SPTBN5: variants seen among roughly 807,000 people sequenced by gnomAD.
SPTBN5 encodes spectrin beta chain, non-erythrocytic 5.
Under a neutral mutation model 477.6 loss-of-function variants are expected in SPTBN5, and 513 were observed. The observed-to-expected ratio is 1.07, with a 90% CI of 1.00 to 1.16. The LOEUF (loss-of-function observed/expected upper bound fraction) is 1.16, where lower values mean the gene tolerates loss of function less well. SPTBN5 is among the 50% of genes most tolerant of loss of function. SPTBN5 has a pLI of 0.00. For missense variants in SPTBN5, 5,062 were observed against 4,731.8 expected (o/e 1.07, Z -2.05); for synonymous variants, 2,169 against 2,011.7 (o/e 1.08, Z -2.09).
Position 41,854,829 on chromosome 15 carries a change from C to T in SPTBN5, c.9571G>A (p.Glu3191Lys), listed in dbSNP as rs2065884579. 6.3e-7 allele frequency: 1 copy of T among 1,591,924 alleles called. No homozygotes were observed. The highest frequency in any genetic ancestry group is 1.4e-5 in the African/African-American group (1 of 73,952). ...TGGTCCAACCTCTCCCAAGCAGCCT[C>T]AATGCGGCTCCTCTGGGCTTGGATG... is the stretch of plus-strand genomic sequence containing the variant. ...PHIQAQRSRI[E>K]AAWERLDQAI... The change falls in exon 56 of 68, where the codon GAG becomes AAG. Residue 3191 changes from glutamate (E) to lysine (K), a missense_variant. Physicochemically the swap from Glu to Lys is moderately conservative, Grantham distance 56 (BLOSUM62 1). Transcript: ENST00000320955.
Position 41,874,351 on chromosome 15 carries a change from T to G in SPTBN5, c.4630A>C (p.Ser1544Arg), listed in dbSNP as rs2066646637. Residue 1544 changes from serine (S) to arginine (R), a missense_variant, in exon 24 of 68, where the codon AGC becomes CGC. Coordinates refer to ENST00000320955, the MANE Select transcript of SPTBN5 (RefSeq NM_016642.4). ...AAGCACTCGGTATAGCTGGTGGGGCTGCCATGGGGCATGTGCTCGGCTACC... is the reference window on the plus strand; with the variant it reads ...AAGCACTCGGTATAGCTGGTGGGGCGGCCATGGGGCATGTGCTCGGCTACC... ...SWVAEHMPHG[S>R]PTSYTECLNG... The G allele has an allele frequency of 6.2e-7, 1 of 1,613,770 alleles. No individual in the cohort carries two copies. Among genetic ancestry groups the G allele is most frequent in the Admixed American group, 1.7e-5 (1 of 60,006 alleles).
intron 46 of SPTBN5, 107 bp downstream of exon 46, chr15:41,861,312 G>T: frequency 2.0e-6 from 2 of 1,002,996 alleles, no homozygotes; most frequent in African/African-American, 3.2e-5. Flanking sequence ...AGATGGCCCC[G>T]AAGGGGAGGA....
At chr15:41,870,670 G>T (rs2066506325) in intron 29 of SPTBN5, 110 bp from the exon 30 acceptor site, 6 of 861,456 alleles carry the variant, frequency 7.0e-6, no homozygotes, top group African/African-American at 1.7e-5. Flanking sequence ...ATCGGGACTT[G>T]CCCAAAGCTC....
chr15:41,867,014 C>T lies in SPTBN5; in HGVS notation c.6425G>A (p.Gly2142Glu), dbSNP rs766875036. The change falls in exon 36 of 68, where the codon GGA (glycine) becomes GAA (glutamate). Residue 2142 changes from glycine to glutamate, a missense_variant. Physicochemically the swap from Gly to Glu is moderately conservative, Grantham distance 98. Coordinates refer to ENST00000320955, the MANE Select transcript of SPTBN5 (RefSeq NM_016642.4). Reference protein sequence around the residue: ...MRVKELAESRGHALHASLLMA... With the variant: ...MRVKELAESREHALHASLLMA... ...CAGCAGGGAGGCATGCAGGGCGTGT[C>T]CCCGGCTCTCCGCCAGCTCCTTCAC... is the stretch of plus-strand genomic sequence containing the variant. 1.7e-5 allele frequency: 26 copies of T among 1,559,640 alleles called. No individual in the cohort carries two copies. The highest frequency in any genetic ancestry group is 1.7e-4 in the Middle Eastern group (1 of 5,918).
At chr15:41,888,524 G>C (rs955131394) in intron 4 of SPTBN5, among the ~76,000 whole-genome samples, 1 of 152,214 alleles carries the variant, frequency 6.6e-6, no homozygotes, top group Non-Finnish European at 1.5e-5. Context: ...GCAGTGGCAC[G>C]ATCTCGGCTC....
intron 63 of SPTBN5, 70 bp downstream of exon 63, chr15:41,851,709 G>A: frequency 4.2e-6 from 5 of 1,189,530 alleles, no homozygotes; most frequent in South Asian, 1.3e-5. Flanking sequence ...AGGCCCAGAT[G>A]GCTCTTCGAG....
Position 41,853,387 on chromosome 15 carries a change from C to T in SPTBN5, c.10041G>A (p.Ala3347=), listed in dbSNP as rs187263353. The T allele has an allele frequency of 5.9e-5, 95 of 1,608,814 alleles. No individual in the cohort carries two copies. The highest frequency in any genetic ancestry group is 8.4e-5 in the Admixed American group (5 of 59,868). Residue 3347 remains alanine, a synonymous_variant, in exon 59 of 68, where the codon GCG becomes GCA. Transcript: ENST00000320955. ...GCTGCCCAAGGAGCTGCTCAGCCCC[C>T]GCCACGTCCTCAGCCAGCTCCTCGG... ...ASSEELAEDV[A]GAEQLLGQHE...
In SPTBN5 at chr15:41,876,126, C is replaced by A; in HGVS notation, c.4110G>T (p.Glu1370Asp). ...CCGTGTCCCCCACCTGCTGCAGGGC[C>A]TCCACGTGTCTGCGGGTGGCGAGTA... ...SELLATRRHVEALQQVGRELL... is the reference protein window; with the variant it reads ...SELLATRRHVDALQQVGRELL... The change falls in exon 21 of 68, where the codon GAG (glutamate) becomes GAT (aspartate). Residue 1370 changes from glutamate to aspartate, a missense_variant. Physicochemically the swap from Glu to Asp is conservative, Grantham distance 45. Transcript: ENST00000320955. 1.9e-6 allele frequency: 3 copies of A among 1,601,548 alleles called. No homozygotes were observed. Among genetic ancestry groups the A allele is most frequent in the Non-Finnish European group, 2.5e-6 (3 of 1,178,734 alleles).
chr15:41,858,502 C>A, intron 49 of SPTBN5, 100 bp downstream of exon 49: 1 of 1,400,146 alleles, frequency 7.1e-7, no homozygotes, highest in Admixed American at 2.2e-5. Flanking sequence ...TACTGGATAA[C>A]GCTGGCCACC....
At chr15:41,892,790 T>A in intron 3 of SPTBN5, 104 bp downstream of exon 3, 2 of 1,346,890 alleles carry the variant, frequency 1.5e-6, no homozygotes, top group East Asian at 2.4e-5. Flanking sequence ...CCCCAGCTCC[T>A]CTGTTCTGCC....
At chr15:41,862,508 G>A (rs186860826) in intron 43 of SPTBN5, 31 bp downstream of exon 43, 37 of 1,574,592 alleles carry the variant, frequency 2.3e-5, no homozygotes, top group Admixed American at 1.3e-4. Flanking sequence ...TGGAGGATGG[G>A]TCGGCGAGGG....
intron 35 of SPTBN5, 54 bp downstream of exon 35, chr15:41,867,484 A>G: frequency 6.5e-7 from 1 of 1,538,542 alleles, no homozygotes; most frequent in Non-Finnish European, 9.0e-7. Flanking sequence ...CCCCTTCAGG[A>G]CTCTCTCCCA....
At chr15:41,853,520 G>C (rs1186960620) in intron 58 of SPTBN5, 62 bp downstream of exon 58, 1 of 1,538,238 alleles carries the variant, frequency 6.5e-7, no homozygotes, top group East Asian at 2.3e-5. Context: ...GCTCCCCCAA[G>C]AGCCAGGATA....
At chr15:41,851,609 G>A (rs1330585372) in intron 63 of SPTBN5, among the ~76,000 whole-genome samples, 170 bp downstream of exon 63, 1 of 150,714 alleles carries the variant, frequency 6.6e-6, no homozygotes, top group Non-Finnish European at 1.5e-5. Flanking sequence ...GGGGGCGGTG[G>A]CAGGAGCTGG....
Position 41,858,747 on chromosome 15 carries a change from A to G in SPTBN5, c.8081T>C (p.Val2694Ala). ...LQAFLQDSQE[V>A]AAWLREKNLV... ...GTTCTTCTCCCTCAGCCACGCAGCC[A>G]CCTGGGCACATGGGGAGGACAGGCC... The change falls in exon 49 of 68, where the codon GTG becomes GCG. Residue 2694 changes from valine (V) to alanine (A), a missense_variant and splice_region_variant. Val to Ala is a moderately conservative substitution (Grantham distance 64). Transcript: ENST00000320955. 2 of 1,608,936 alleles carry G rather than the reference A, an allele frequency of 1.2e-6. No homozygotes were observed. Among genetic ancestry groups the G allele is most frequent in the South Asian group, 2.2e-5 (2 of 89,976 alleles).
At chr15:41,877,003 T>C in intron 18 of SPTBN5, 55 bp from the exon 19 acceptor site, 1 of 1,567,886 alleles carries the variant, frequency 6.4e-7, no homozygotes, top group South Asian at 1.2e-5. Flanking sequence ...CAGGACCATC[T>C]CACCCGCCAC....
intron 14 of SPTBN5, 22 bp from the exon 15 acceptor site, chr15:41,879,886 C>T (rs1211274618): frequency 6.2e-7 from 1 of 1,613,422 alleles, no homozygotes; most frequent in Non-Finnish European, 8.5e-7. Context: ...GAGGACCCAG[C>T]CCTCTTGGGG....
chr15:41,855,166 G>C (rs1356100103), intron 55 of SPTBN5, 58 bp downstream of exon 55: 1 of 1,552,214 alleles, frequency 6.4e-7, no homozygotes, highest in East Asian at 2.3e-5. Flanking sequence ...TTCATCCCAG[G>C]GCAGGCCTTC....
chr15:41,848,479 C>G lies in SPTBN5; in HGVS notation c.*137G>C. The stretch of plus-strand genomic sequence containing the variant: ...ATCTAACCAGAAGGAACTGTCTATT[C>G]CAGAAGCTGGGCCTGGGGAACTGGG... On this transcript the variant is annotated 3_prime_UTR_variant, in exon 68 of 68. Coordinates refer to ENST00000320955, the MANE Select transcript of SPTBN5 (RefSeq NM_016642.4). The G allele has an allele frequency of 9.9e-7, 1 of 1,009,656 alleles. No individual in the cohort carries two copies. The highest frequency in any genetic ancestry group is 2.4e-5 in the East Asian group (1 of 41,878). The allele number at this position is 1,009,656 out of a possible 1,614,324, so 62.5% of individuals were successfully genotyped here. A position where few individuals can be genotyped will look rare whatever the true frequency, so the allele number is the denominator to read the frequency against.
Sources: gnomAD v4.1 joint callset for allele counts (sites outside exome capture counted in the v4.1 genomes callset) on GRCh38, gnomAD v4.1.1 for gene constraint, MANE v1.5 for transcripts, NCBI Gene and HGNC (gene_info 2026-07-23, HGNC 2026-07-21) for gene names.